Variants in ABCC4 observed in about 807,000 individuals in gnomAD.
The protein encoded by ABCC4 is ATP-binding cassette sub-family C member 4.
A neutral mutation model predicts 168.5 loss-of-function variants in ABCC4; 102 were observed. That is an observed-to-expected ratio of 0.61 (90% CI 0.52 to 0.71). The LOEUF (loss-of-function observed/expected upper bound fraction) is 0.71. Among genes scored for constraint, ABCC4 ranks in the 30% least tolerant of loss-of-function variants. The probability of loss-of-function intolerance (pLI) is 0.00; values close to 1 mark genes in which losing one functional copy is unlikely to be tolerated. For synonymous variants in ABCC4, 617 were observed against 590.7 expected, an observed-to-expected ratio of 1.04 and a Z score of -0.65; for missense variants, 1,402 against 1,605.8, an observed-to-expected ratio of 0.87 and a Z score of 2.17.
At chr13:95,028,666 A>G (rs1472176157) in intron 30 of ABCC4, among the ~76,000 whole-genome samples, 1 of 152,210 alleles carries the variant, frequency 6.6e-6, no homozygotes, top group Non-Finnish European at 1.5e-5. Flanking sequence ...GCATTCAAGA[A>G]GAAGCAACGA....
chr13:95,259,957 T>A (rs759614511), intron 1 of ABCC4, among the ~76,000 whole-genome samples: 8 of 151,998 alleles, frequency 5.3e-5, no homozygotes, highest in Non-Finnish European at 8.8e-5. Flanking sequence ...ACGAGACTCA[T>A]CTTCTGTACA....
intron 15 of ABCC4, among the ~76,000 whole-genome samples, chr13:95,165,439 T>C (rs1378735958): frequency 1.3e-5 from 2 of 152,208 alleles, no homozygotes; most frequent in South Asian, 2.1e-4. Context: ...AGGGTTTGTG[T>C]GGCAAGGAAT....
At chr13:95,219,197 C>A (rs924563243) in intron 4 of ABCC4, among the ~76,000 whole-genome samples, 1 of 152,194 alleles carries the variant, frequency 6.6e-6, no homozygotes, top group Non-Finnish European at 1.5e-5. Flanking sequence ...CACATCCCCC[C>A]ACCATGGCTG....
intron 4 of ABCC4, among the ~76,000 whole-genome samples, chr13:95,225,140 GTCTC>G (rs140436228): frequency 0.018 from 1,248 of 69,836 alleles, 12 homozygotes; most frequent in African/African-American, 0.035. Flanking sequence ...CTGTCTGTCT[GTCTC>G]TCTCTCTCTC....
At chr13:95,244,768 T>G (rs183902039) in intron 3 of ABCC4, among the ~76,000 whole-genome samples, 91 of 151,770 alleles carry the variant, frequency 6.0e-4, no homozygotes, top group Non-Finnish European at 1.2e-3. Context: ...CTACTACTAC[T>G]GAGTACCAAC....
At chr13:95,290,599 G>C (rs1333232730) in intron 1 of ABCC4, among the ~76,000 whole-genome samples, 1 of 151,672 alleles carries the variant, frequency 6.6e-6, no homozygotes, top group East Asian at 1.9e-4. Flanking sequence ...CAGCTACTGG[G>C]GAGGCTGAGG....
At position 95,188,515 on chromosome 13, in the gene ABCC4, G is replaced by A; in HGVS notation, c.1291C>T (p.Leu431Phe). Residue 431 changes from leucine to phenylalanine, a missense_variant, in exon 10 of 31, where the codon CTT becomes TTT. Transcript: ENST00000645237. ...TCGCCAGGTCTGACAGTAAAGGAAA[G>A]GCCTTGTAGAGTTGGGGTCTCTGAT... ...KASETPTLQG[L>F]SFTVRPGELL... is the part of the protein sequence containing the mutation. 6.2e-7 allele frequency: 1 copy of A among 1,613,626 alleles called. No homozygotes were observed. Among genetic ancestry groups the A allele is most frequent in the Non-Finnish European group, 8.5e-7 (1 of 1,179,596 alleles).
chr13:95,032,378 C>T (rs776032218), intron 30 of ABCC4, among the ~76,000 whole-genome samples: 3 of 152,338 alleles, frequency 2.0e-5, no homozygotes, highest in Middle Eastern at 3.4e-3. Context: ...CCACATCAAT[C>T]AAATCTCTGC....
intron 21 of ABCC4, among the ~76,000 whole-genome samples, chr13:95,081,324 A>G (rs981952261): frequency 6.6e-6 from 1 of 152,150 alleles, no homozygotes; most frequent in African/African-American, 2.4e-5. Flanking sequence ...CTACGTCAAG[A>G]TGTTCCTTCT....
intron 1 of ABCC4, among the ~76,000 whole-genome samples, chr13:95,267,768 A>G (rs2040723462): frequency 6.6e-6 from 1 of 152,184 alleles, no homozygotes; most frequent in Non-Finnish European, 1.5e-5. Context: ...CTAGCAGCTG[A>G]TGCTAACAGA....
intron 1 of ABCC4, among the ~76,000 whole-genome samples, chr13:95,259,527 C>T (rs1264627304): frequency 2.6e-5 from 4 of 152,138 alleles, no homozygotes; most frequent in South Asian, 4.1e-4. Context: ...CATCCCTGAA[C>T]CCCACCCTCA....
chr13:95,211,843 G>A (rs1373303367), intron 4 of ABCC4, among the ~76,000 whole-genome samples: 1 of 151,910 alleles, frequency 6.6e-6, no homozygotes, highest in Non-Finnish European at 1.5e-5. Flanking sequence ...AGGGCTATGT[G>A]AATGGGAAAA....
intron 1 of ABCC4, among the ~76,000 whole-genome samples, chr13:95,259,217 T>C (rs1268644590): frequency 6.6e-6 from 1 of 151,900 alleles, no homozygotes; most frequent in African/African-American, 2.4e-5. Context: ...AGAAATCCTA[T>C]CTCTACTAAA....
chr13:95,222,530 T>G (rs780497210), intron 4 of ABCC4, among the ~76,000 whole-genome samples: 1 of 152,124 alleles, frequency 6.6e-6, no homozygotes, highest in Admixed American at 6.5e-5. Context: ...CAGAAGGCTG[T>G]GGGGTGGGGG....
In ABCC4 at chr13:95,044,379, TTC is replaced by T. The variant is rs1173263398; in HGVS notation, c.3514_3515del (p.Glu1172IlefsTer6). ...GTCCAACACTAAAATTGGATCCTGA[TTC>T]TGCTAATTCAGTATCCATTTTACCA... The part of the protein sequence containing the change: ...LPGKMDTELA[E>X]SGSNFSVGQR... On this transcript the variant is annotated frameshift_variant, in exon 28 of 31. Transcript: ENST00000645237. LOFTEE classifies it high-confidence loss of function. 6.2e-7 allele frequency: 1 copy of T among 1,613,826 alleles called. No homozygotes were observed. The highest frequency in any genetic ancestry group is 1.7e-5 in the Admixed American group (1 of 59,984).
chr13:95,074,509 C>T (rs1047696661), intron 22 of ABCC4, among the ~76,000 whole-genome samples, 185 bp from the exon 23 acceptor site: 4 of 152,096 alleles, frequency 2.6e-5, no homozygotes, highest in Non-Finnish European at 4.4e-5. Context: ...ACAATGGTAC[C>T]GTGGCTTTCT....
At chr13:95,213,909 G>T (rs377565377) in intron 4 of ABCC4, among the ~76,000 whole-genome samples, 2 of 152,030 alleles carry the variant, frequency 1.3e-5, no homozygotes, top group African/African-American at 4.8e-5. Flanking sequence ...AGATACACAA[G>T]GAAACAATAA....
intron 1 of ABCC4, among the ~76,000 whole-genome samples, chr13:95,249,405 T>C (rs931455787): frequency 2.0e-5 from 3 of 152,284 alleles, no homozygotes; most frequent in African/African-American, 2.4e-5. Flanking sequence ...GCCCTTCCCA[T>C]GGGGAACCCA....
At chr13:95,223,489 G>A (rs529430376) in intron 4 of ABCC4, among the ~76,000 whole-genome samples, 1 of 152,176 alleles carries the variant, frequency 6.6e-6, no homozygotes, top group East Asian at 1.9e-4. Flanking sequence ...CAGCAAAAAA[G>A]TGTAAAGTTT....
Sources: gnomAD v4.1 joint callset for allele counts (sites outside exome capture counted in the v4.1 genomes callset) on GRCh38, gnomAD v4.1.1 for gene constraint, MANE v1.5 for transcripts, NCBI Gene and HGNC (gene_info 2026-07-23, HGNC 2026-07-21) for gene names.